The following CTNNA3 variants were observed in gnomAD, a reference collection of about 807,000 sequenced individuals.
CTNNA3 encodes catenin alpha 3.
Under a neutral mutation model 95.7 loss-of-function variants are expected in CTNNA3, and 76 were observed. That is an observed-to-expected ratio of 0.79 (90% CI 0.66 to 0.96). The LOEUF (loss-of-function observed/expected upper bound fraction) is 0.96, where lower values mean the gene tolerates loss of function less well. Ranked by LOEUF, CTNNA3 falls within the 40% of genes least tolerant of loss-of-function variation. The probability of loss-of-function intolerance (pLI) is 0.00; values close to 1 mark genes in which losing one functional copy is unlikely to be tolerated. For missense variants in CTNNA3, 1,191 were observed against 1,089.8 expected, an observed-to-expected ratio of 1.09 and a Z score of -1.31; for synonymous variants, 431 against 374.4, an observed-to-expected ratio of 1.15 and a Z score of -1.74.
intron 11 of CTNNA3, among the ~76,000 whole-genome samples, chr10:66,434,961 T>C (rs2093326706): frequency 6.6e-6 from 1 of 152,182 alleles, no homozygotes; most frequent in South Asian, 2.1e-4. Context: ...TTGATTTGCT[T>C]ATGTTGAACC....
chr10:67,489,095 T>C (rs16924522), intron 5 of CTNNA3, among the ~76,000 whole-genome samples: 1 of 152,032 alleles, frequency 6.6e-6, no homozygotes, highest in Non-Finnish European at 1.5e-5. Flanking sequence ...TCAGTACAGC[T>C]AGTATCACAT....
chr10:66,809,585 C>T (rs906892484), intron 7 of CTNNA3, among the ~76,000 whole-genome samples: 1 of 152,062 alleles, frequency 6.6e-6, no homozygotes, highest in East Asian at 1.9e-4. Context: ...ATTTGCACAG[C>T]TTATTCCATT....
At chr10:66,659,564 T>C (rs1476524678) in intron 9 of CTNNA3, among the ~76,000 whole-genome samples, 1 of 152,176 alleles carries the variant, frequency 6.6e-6, no homozygotes, top group East Asian at 1.9e-4. Context: ...CTTGTTTTTT[T>C]ACAAATATTC....
intron 5 of CTNNA3, among the ~76,000 whole-genome samples, chr10:67,366,186 T>C (rs12265343): frequency 0.078 from 11,830 of 151,866 alleles, 727 homozygotes; most frequent in African/African-American, 0.17. Context: ...GCAGGGAACA[T>C]CACACACACC....
intron 1 of CTNNA3, among the ~76,000 whole-genome samples, chr10:67,704,155 T>C (rs1188706971): frequency 6.6e-6 from 1 of 152,222 alleles, no homozygotes; most frequent in Non-Finnish European, 1.5e-5. Context: ...GAACATTCCA[T>C]GCTCATGGAT....
At chr10:66,338,026 G>A (rs1169155705) in intron 12 of CTNNA3, among the ~76,000 whole-genome samples, 1 of 151,936 alleles carries the variant, frequency 6.6e-6, no homozygotes, top group Non-Finnish European at 1.5e-5. Context: ...ATTTATAAGA[G>A]CCTAAAAATA....
At chr10:66,913,158 G>A (rs1335767011) in intron 7 of CTNNA3, among the ~76,000 whole-genome samples, 1 of 131,486 alleles carries the variant, frequency 7.6e-6, no homozygotes, top group Non-Finnish European at 1.6e-5. Flanking sequence ...AGAATGGCGT[G>A]AACCCGGGAG....
At chr10:67,404,107 C>T (rs924720446) in intron 5 of CTNNA3, among the ~76,000 whole-genome samples, 10 of 152,112 alleles carry the variant, frequency 6.6e-5, no homozygotes, top group African/African-American at 2.4e-4. Flanking sequence ...AGAATCAGCA[C>T]AAAAACACAG....
At position 66,016,749 on chromosome 10, in the gene CTNNA3, T is replaced by C. The variant is rs902792831; in HGVS notation, c.2160-27952A>G. Among the ~76,000 whole-genome samples the C allele has an allele frequency of 2.2e-4, 33 of 152,298 alleles. No individual in the cohort carries two copies. The East Asian group carries it at 6.4e-3, about 29-fold the overall frequency. On this transcript the variant is annotated intron_variant, in intron 15 of 17. Transcript: ENST00000433211. ...GCAACATATCATAAAAGAGATGTGCTTCTATTCTCATCTAAAATATTAAGT... is the reference window on the plus strand; with the variant it reads ...GCAACATATCATAAAAGAGATGTGCCTCTATTCTCATCTAAAATATTAAGT...
rs756398810 is a variant in CTNNA3 at position 66,019,762 on chromosome 10, G to C, written c.2160-30965C>G. 4.6e-5 allele frequency among the ~76,000 whole-genome samples: 7 copies of C among 152,158 alleles called. No homozygotes were observed. In the South Asian group the frequency reaches 6.2e-4, roughly 14 times the overall value. On this transcript the variant is annotated intron_variant, in intron 15 of 17. Transcript: ENST00000433211. Reference sequence around the variant, plus strand: ...GTTAAAAAATTGCTTAGTGTAGTTTGATGTTCCTGCAGCTTCAAAGTCTAT... The same window carrying C: ...GTTAAAAAATTGCTTAGTGTAGTTTCATGTTCCTGCAGCTTCAAAGTCTAT...
intron 1 of CTNNA3, among the ~76,000 whole-genome samples, chr10:67,758,337 C>T (rs1352885085): frequency 2.7e-5 from 4 of 150,942 alleles, no homozygotes; most frequent in South Asian, 2.1e-4. Context: ...CACACACACA[C>T]ACACACACAC....
rs147241763 is a variant in CTNNA3, at chr10:67,750,297, T to C, written c.-2+13137A>G. ...TCTGCACCAACCATGGCCATCTTTG[T>C]GGAGCTCAATACCAAAGCCAAGATG... On this transcript the variant is annotated intron_variant, in intron 1 of 17. Transcript: ENST00000684154. 1.6e-4 allele frequency: 241 copies of C among 1,522,460 alleles called. 1 individual carries two copies. In the East Asian group the frequency reaches 5.4e-3, roughly 34 times the overall value. The allele number at this position is 1,522,460 out of a possible 1,614,324, so 94.3% of individuals were successfully genotyped here. A position where few individuals can be genotyped will look rare whatever the true frequency, so the allele number is the denominator to read the frequency against.
chr10:67,529,607 C>T (rs774292147), intron 4 of CTNNA3, among the ~76,000 whole-genome samples: 23 of 150,764 alleles, frequency 1.5e-4, no homozygotes, highest in Non-Finnish European at 3.1e-4. Flanking sequence ...CTAACCTGCA[C>T]ATTGTGCACA....
chr10:66,824,450 C>T (rs1379652550), intron 7 of CTNNA3, among the ~76,000 whole-genome samples: 1 of 152,082 alleles, frequency 6.6e-6, no homozygotes, highest in Non-Finnish European at 1.5e-5. Flanking sequence ...TAAAAGAAAG[C>T]ACTTCTTTAC....
Position 66,770,314 on chromosome 10 carries a change from C to T in CTNNA3, c.1129-3898G>A, listed in dbSNP as rs778554039. ...AAGTAGCCTCTATCTTATTTATTTC[C>T]GCATTATTTTCCTGCCCAGTGGCAC... On this transcript the variant is annotated intron_variant, in intron 8 of 17. Transcript: ENST00000433211. Among the ~76,000 whole-genome samples, 83 of 152,038 alleles carry T rather than the reference C, an allele frequency of 5.5e-4. 1 individual carries two copies. Among genetic ancestry groups the T allele is most frequent in the Non-Finnish European group, 5.6e-4 (38 of 68,014 alleles).
chr10:66,592,810 A>G (rs1843596444), intron 10 of CTNNA3, among the ~76,000 whole-genome samples: 1 of 152,162 alleles, frequency 6.6e-6, no homozygotes, highest in Non-Finnish European at 1.5e-5. Flanking sequence ...GGGAGACACC[A>G]AAGTGTCTGC....
chr10:66,443,743 C>G (rs535837995), intron 11 of CTNNA3, among the ~76,000 whole-genome samples: 1 of 151,772 alleles, frequency 6.6e-6, no homozygotes. Context: ...GCAGAAAAAC[C>G]AGAAACTCTA....
chr10:66,702,207 T>A (rs1161362559), intron 9 of CTNNA3, among the ~76,000 whole-genome samples: 3 of 152,002 alleles, frequency 2.0e-5, no homozygotes, highest in Non-Finnish European at 2.9e-5. Flanking sequence ...CCGTAACAGC[T>A]GTTGAACATC....
At chr10:67,704,287 G>C (rs964506052) in intron 1 of CTNNA3, among the ~76,000 whole-genome samples, 2 of 151,996 alleles carry the variant, frequency 1.3e-5, no homozygotes, top group Non-Finnish European at 1.5e-5. Flanking sequence ...TTTAAAGTTT[G>C]TATGGAACCA....
Sources: allele counts gnomAD v4.1 joint callset (sites outside exome capture counted in the v4.1 genomes callset), GRCh38; gene constraint gnomAD v4.1.1; transcripts MANE v1.5; gene names NCBI Gene and HGNC (gene_info 2026-07-23, HGNC 2026-07-21).